AGK: variants seen among roughly 807,000 people sequenced by gnomAD.
AGK encodes the protein acylglycerol kinase, mitochondrial.
A neutral mutation model predicts 66.4 loss-of-function variants in AGK; 52 were observed. That is an observed-to-expected ratio of 0.78 (90% CI 0.63 to 0.99). The LOEUF (loss-of-function observed/expected upper bound fraction) is 0.99. Ranked by LOEUF, AGK falls within the 50% of genes least tolerant of loss-of-function variation. The pLI is 0.00. For synonymous variants in AGK, 182 were observed against 181.1 expected, an observed-to-expected ratio of 1.00 and a Z score of -0.04; for missense variants, 451 against 506.6, an observed-to-expected ratio of 0.89 and a Z score of 1.05.
intron 3 of AGK, chr7:141,593,826 TATG>T (rs1199772452): frequency 1.3e-5 from 2 of 154,868 alleles, no homozygotes; most frequent in African/African-American, 2.4e-5. Flanking sequence ...CATTTGAGCT[TATG>T]ATGTCAGAAA....
intron 5 of AGK, 67 bp downstream of exon 5, chr7:141,601,347 GCTT>G: frequency 7.9e-7 from 1 of 1,272,648 alleles, no homozygotes; most frequent in Non-Finnish European, 1.1e-6. Context: ...TCTTCTCTTG[GCTT>G]CTTAGCAAAA....
Position 141,623,493 on chromosome 7 carries a change from C to CA in AGK, c.588+1693dup, listed in dbSNP as rs1796871387. Among the ~76,000 whole-genome samples, 3 of 151,718 alleles carry CA rather than the reference C, an allele frequency of 2.0e-5. No homozygotes were observed. The South Asian group carries it at 6.2e-4, about 32-fold the overall frequency. On this transcript the variant is annotated intron_variant, in intron 9 of 15. Transcript: ENST00000649286. ...AGATAGAAGACCAAATCAGCCACAACATTCCCTTAAGCCACATCCTAATCC... is the reference window on the plus strand; with the variant it reads ...AGATAGAAGACCAAATCAGCCACAACAATTCCCTTAAGCCACATCCTAATCC...
chr7:141,619,066 A>G (rs1289940896), intron 8 of AGK, among the ~76,000 whole-genome samples: 1 of 152,152 alleles, frequency 6.6e-6, no homozygotes, highest in Non-Finnish European at 1.5e-5. Flanking sequence ...CTAAGTAAAT[A>G]GAGATACTTC....
intron 2 of AGK, among the ~76,000 whole-genome samples, chr7:141,569,091 C>T (rs1317298762): frequency 6.6e-6 from 1 of 152,154 alleles, no homozygotes; most frequent in Non-Finnish European, 1.5e-5. Flanking sequence ...ATTTTGATTA[C>T]TGTATATTGG....
Position 141,555,632 on chromosome 7 carries a change from G to A in AGK, c.101+65G>A, listed in dbSNP as rs1295839211. The A allele has an allele frequency of 2.6e-5, 32 of 1,226,304 alleles. 1 individual carries two copies. Among genetic ancestry groups the A allele is most frequent in the Non-Finnish European group, 1.8e-5 (15 of 845,236 alleles). 76.0% of individuals were successfully genotyped at this position (1,226,304 alleles called of 1,614,324 possible). ...GCAAAACAGCCCCAAAGGGCCTCAG[G>A]TTAAAATCTTGCTCAGCTGTGCTTA... On this transcript the variant is annotated intron_variant, in intron 2 of 15. Transcript: ENST00000649286. This position sits in a 1 kb window ranked among gnomAD's most constrained non-coding sequence, Gnocchi z 4.2.
chr7:141,591,361 A>C (rs920603999), intron 2 of AGK, among the ~76,000 whole-genome samples: 6 of 151,966 alleles, frequency 3.9e-5, no homozygotes, highest in Non-Finnish European at 8.8e-5. Flanking sequence ...CCAAAGTGCT[A>C]AGATTACAGG....
At chr7:141,603,561 G>C (rs1015891757) in intron 5 of AGK, among the ~76,000 whole-genome samples, 2 of 152,020 alleles carry the variant, frequency 1.3e-5, no homozygotes, top group Admixed American at 1.3e-4. Context: ...ATGAAAGCAG[G>C]ATATTGTAAA....
At chr7:141,633,755 A>G (rs1255894502) in intron 9 of AGK, 146 bp from the exon 10 acceptor site, 1 of 662,386 alleles carries the variant, frequency 1.5e-6, no homozygotes, top group African/African-American at 1.8e-5. Flanking sequence ...AAGCACTCAC[A>G]GGGTTAATGT....
At chr7:141,574,575 G>A (rs181632495) in intron 2 of AGK, among the ~76,000 whole-genome samples, 126 of 152,324 alleles carry the variant, frequency 8.3e-4, no homozygotes, top group South Asian at 4.1e-4. Flanking sequence ...GGGATAAACT[G>A]CAGAACTATC....
intron 2 of AGK, among the ~76,000 whole-genome samples, chr7:141,561,295 A>C (rs951537842): frequency 6.6e-6 from 1 of 152,172 alleles, no homozygotes; most frequent in African/African-American, 2.4e-5. Flanking sequence ...CAGTAGTGGG[A>C]TTGCTGGATT....
intron 2 of AGK, chr7:141,562,193 C>A (rs1343552863): frequency 2.2e-6 from 1 of 454,324 alleles, no homozygotes; most frequent in Non-Finnish European, 4.4e-6. Flanking sequence ...TTTGGTTAGC[C>A]AGGATGTTGC....
chr7:141,650,524 G>C, intron 14 of AGK: 1 of 985,458 alleles, frequency 1.0e-6, no homozygotes, highest in Middle Eastern at 5.2e-4. Context: ...AGAGAACATA[G>C]TGAAGCTGCG....
Position 141,593,205 on chromosome 7 carries a change from TA to T in AGK, c.141+24del. 6.2e-7 allele frequency: 1 copy of T among 1,609,862 alleles called. No homozygotes were observed. The highest frequency in any genetic ancestry group is 1.7e-5 in the Admixed American group (1 of 60,020). The stretch of plus-strand genomic sequence containing the variant: ...GCTCAGGTAATACTACTTAATGTGA[TA>T]AAATTAAGCCCCTCCTTATCTTCAT... On this transcript the variant is annotated intron_variant, in intron 3 of 15. Coordinates refer to ENST00000649286, the MANE Select transcript of AGK (RefSeq NM_018238.4).
intron 8 of AGK, 109 bp from the exon 9 acceptor site, chr7:141,621,623 T>G: frequency 5.5e-6 from 4 of 730,822 alleles, no homozygotes; most frequent in South Asian, 3.3e-5. Context: ...AGAGAGAGAA[T>G]GAGAGAGAAT....
chr7:141,581,710 C>A (rs761134682), intron 2 of AGK, among the ~76,000 whole-genome samples: 1 of 151,706 alleles, frequency 6.6e-6, no homozygotes, highest in Non-Finnish European at 1.5e-5. Flanking sequence ...GTGAATGAGG[C>A]TTTGAACTGG....
In AGK at chr7:141,633,941, G is replaced by A. The variant is rs1466996749; in HGVS notation, c.629G>A (p.Arg210Gln). 2.5e-6 allele frequency: 4 copies of A among 1,613,884 alleles called. No individual in the cohort carries two copies. Among genetic ancestry groups the A allele is most frequent in the Admixed American group, 1.7e-5 (1 of 59,990 alleles). The change falls in exon 10 of 16, where the codon CGA (arginine) becomes CAA (glutamine). Residue 210 changes from arginine (R) to glutamine (Q), a missense_variant. Transcript: ENST00000649286. ...CCTGTATTTGCAATGACCGGCCTTCGATGGGGATCTTTCAGAGATGCTGGC... is the reference window on the plus strand; with the variant it reads ...CCTGTATTTGCAATGACCGGCCTTCAATGGGGATCTTTCAGAGATGCTGGC... ...EQPVFAMTGL[R>Q]WGSFRDAGVK...
chr7:141,572,720 GA>G (rs1304914218), intron 2 of AGK, among the ~76,000 whole-genome samples: 1 of 152,122 alleles, frequency 6.6e-6, no homozygotes, highest in African/African-American at 2.4e-5. Flanking sequence ...ATAGAAATAA[GA>G]AAGTTGCCAG....
chr7:141,642,057 T>A, intron 13 of AGK, 149 bp downstream of exon 13: 1 of 731,692 alleles, frequency 1.4e-6, no homozygotes, highest in Non-Finnish European at 2.3e-6. Context: ...GGTGTGCCTT[T>A]AAGGAATAAC....
intron 4 of AGK, among the ~76,000 whole-genome samples, chr7:141,599,893 G>A (rs1304818234): frequency 6.6e-6 from 1 of 152,092 alleles, no homozygotes; most frequent in Non-Finnish European, 1.5e-5. Flanking sequence ...TATTCTTTTG[G>A]ATGGTTCTTG....
Sources: gnomAD v4.1 joint callset for allele counts (sites outside exome capture counted in the v4.1 genomes callset) on GRCh38, gnomAD v4.1.1 for gene constraint, Gnocchi (gnomAD v3.1) non-coding constraint, MANE v1.5 for transcripts, NCBI Gene and HGNC (gene_info 2026-07-23, HGNC 2026-07-21) for gene names.